CDIN1: variants seen among roughly 807,000 people sequenced by gnomAD.
CDIN1 encodes CDAN1-interacting nuclease 1.
In CDIN1, 33 loss-of-function variants were observed where a neutral mutation model predicts 45.3. The observed-to-expected ratio is 0.73, with a 90% CI of 0.55 to 0.97. CDIN1 has a LOEUF of 0.97. Ranked by LOEUF, CDIN1 falls within the 50% of genes least tolerant of loss-of-function variation. The pLI, the probability that CDIN1 is intolerant of heterozygous loss-of-function variation, is 0.00. For missense variants in CDIN1, 303 were observed against 339.4 expected, an observed-to-expected ratio of 0.89 and a Z score of 0.84; for synonymous variants, 118 against 124.4, an observed-to-expected ratio of 0.95 and a Z score of 0.34.
At chr15:36,686,532 A>C (rs1165667962) in intron 5 of CDIN1, among the ~76,000 whole-genome samples, 1 of 150,806 alleles carries the variant, frequency 6.6e-6, no homozygotes, top group East Asian at 2.0e-4. Flanking sequence ...CACAATGTGC[A>C]CATGTACCCT....
At chr15:36,650,939 T>A (rs2040551244) in intron 3 of CDIN1, among the ~76,000 whole-genome samples, 1 of 152,038 alleles carries the variant, frequency 6.6e-6, no homozygotes, top group African/African-American at 2.4e-5. Flanking sequence ...GGCACGCTCC[T>A]GTAGTCTCAG....
chr15:36,749,593 G>A (rs2053403223), intron 10 of CDIN1, among the ~76,000 whole-genome samples: 1 of 152,188 alleles, frequency 6.6e-6, no homozygotes, highest in Non-Finnish European at 1.5e-5. Flanking sequence ...CTGGCTGTCT[G>A]CCGCTAGATC....
At chr15:36,647,136 G>T (rs1287380147) in intron 3 of CDIN1, among the ~76,000 whole-genome samples, 2 of 145,938 alleles carry the variant, frequency 1.4e-5, no homozygotes, top group Non-Finnish European at 3.0e-5. Context: ...CAATCCTACT[G>T]CCTCAGTCTC....
intron 1 of CDIN1, among the ~76,000 whole-genome samples, chr15:36,612,663 C>T (rs1308516316): frequency 4.6e-5 from 7 of 152,180 alleles, no homozygotes; most frequent in East Asian, 1.9e-4. Context: ...AGCGTCTTTA[C>T]TTCCCTGGTT....
intron 10 of CDIN1, among the ~76,000 whole-genome samples, chr15:36,715,275 GA>G (rs1414414650): frequency 6.6e-6 from 1 of 152,138 alleles, no homozygotes; most frequent in Non-Finnish European, 1.5e-5. Context: ...TTCTGCCACA[GA>G]ATTGATTTGA....
At chr15:36,610,463 A>G (rs1202477437) in intron 1 of CDIN1, among the ~76,000 whole-genome samples, 1 of 152,180 alleles carries the variant, frequency 6.6e-6, no homozygotes, top group Non-Finnish European at 1.5e-5. Flanking sequence ...AGTTAATGAG[A>G]TGTTGGCTTT....
At chr15:36,618,119 G>A in intron 1 of CDIN1, 1 of 730,038 alleles carries the variant, frequency 1.4e-6, no homozygotes, top group Admixed American at 1.9e-5. Context: ...CTTTCCCAAT[G>A]GTAGTTTTGT....
At chr15:36,667,416 A>G (rs1358106746) in intron 5 of CDIN1, among the ~76,000 whole-genome samples, 1 of 152,208 alleles carries the variant, frequency 6.6e-6, no homozygotes, top group Non-Finnish European at 1.5e-5. Context: ...TAGGTGTAGC[A>G]CCTAAAACGC....
chr15:36,744,796 C>T (rs1375431422), intron 10 of CDIN1, among the ~76,000 whole-genome samples: 1 of 152,160 alleles, frequency 6.6e-6, no homozygotes, highest in Non-Finnish European at 1.5e-5. Flanking sequence ...TTGTGTACAG[C>T]TCTAATTAGC....
intron 1 of CDIN1, among the ~76,000 whole-genome samples, chr15:36,608,739 C>T (rs2038498585): frequency 6.6e-6 from 1 of 151,866 alleles, no homozygotes; most frequent in African/African-American, 2.4e-5. Context: ...TTTTATCACT[C>T]TTTAGTGAAG....
At chr15:36,755,000 T>C (rs1282521163) in intron 10 of CDIN1, among the ~76,000 whole-genome samples, 1 of 152,206 alleles carries the variant, frequency 6.6e-6, no homozygotes, top group Non-Finnish European at 1.5e-5. Flanking sequence ...ATATTAGTAG[T>C]GTGTGTTTTG....
intron 10 of CDIN1, among the ~76,000 whole-genome samples, chr15:36,718,278 T>C (rs1164847463): frequency 6.6e-6 from 1 of 152,132 alleles, no homozygotes; most frequent in Non-Finnish European, 1.5e-5. Context: ...CATTATAATT[T>C]TGAAAACAGA....
chr15:36,724,502 G>A (rs2043549679), intron 10 of CDIN1, among the ~76,000 whole-genome samples: 1 of 152,166 alleles, frequency 6.6e-6, no homozygotes, highest in Non-Finnish European at 1.5e-5. Flanking sequence ...AAGTAATGTA[G>A]GTTAGCAATA....
At chr15:36,800,909 G>GTGTGTGTGTATATATATATA (rs1156514805) in intron 10 of CDIN1, among the ~76,000 whole-genome samples, 1 of 22,390 alleles carries the variant, frequency 4.5e-5, no homozygotes, top group Non-Finnish European at 1.2e-4. Context: ...GTGTGTGTGT[G>GTGTGTGTGTATATATATATA]TATATATATA....
intron 10 of CDIN1, chr15:36,799,554 T>C (rs2064159990): frequency 2.7e-5 from 4 of 148,656 alleles, no homozygotes; most frequent in Admixed American, 1.3e-4. Context: ...AAATACAACA[T>C]AGTTAAATAG....
intron 10 of CDIN1, chr15:36,799,233 TA>T (rs966705898): frequency 5.6e-4 from 5 of 9,000 alleles, no homozygotes; most frequent in African/African-American, 9.6e-4. Flanking sequence ...TTTTAGTACT[TA>T]AGTAAGTAAG....
chr15:36,673,675 A>C (rs896033728), intron 5 of CDIN1, among the ~76,000 whole-genome samples: 3 of 152,148 alleles, frequency 2.0e-5, no homozygotes, highest in East Asian at 3.9e-4. Context: ...CTTTGCTTTG[A>C]ATGGCCCTTT....
chr15:36,622,583 G>C (rs1487694251), intron 1 of CDIN1, among the ~76,000 whole-genome samples: 1 of 152,234 alleles, frequency 6.6e-6, no homozygotes, highest in Non-Finnish European at 1.5e-5. Flanking sequence ...CTGGGAAGCA[G>C]ACTGTATTTC....
chr15:36,707,355 A>G (rs1247651132), intron 8 of CDIN1: 1 of 152,144 alleles, frequency 6.6e-6, no homozygotes, highest in African/African-American at 2.4e-5. Flanking sequence ...AGAGCGAGCC[A>G]GTTGTAGTTT....
Sources: allele counts gnomAD v4.1 joint callset (sites outside exome capture counted in the v4.1 genomes callset), GRCh38; gene constraint gnomAD v4.1.1; transcripts MANE v1.5; gene names NCBI Gene and HGNC (gene_info 2026-07-23, HGNC 2026-07-21).